OLA1: variants seen among roughly 807,000 people sequenced by gnomAD.
OLA1 encodes the protein obg-like ATPase 1.
Under a neutral mutation model 48.4 loss-of-function variants are expected in OLA1, and 14 were observed. The observed-to-expected ratio is 0.29, with a 90% confidence interval of 0.19 to 0.45. The LOEUF is 0.45. Ranked by LOEUF, OLA1 falls within the 20% of genes least tolerant of loss-of-function variation. The pLI is 1.00. For missense variants in OLA1, 325 were observed against 467.1 expected (o/e 0.70, Z 2.80); for synonymous variants, 127 against 150.4 (o/e 0.84, Z 1.14).
chr2:174,237,805 G>A lies in OLA1; in HGVS notation c.102-8354C>T, dbSNP rs184186551. On this transcript the variant is annotated intron_variant, in intron 2 of 10. Coordinates refer to ENST00000284719, the MANE Select transcript of OLA1 (RefSeq NM_013341.5). ...ATAGTAAATACATAAGCCAGTAACT[G>A]TCATTTATTATCAAGTATTACGTAC... 2.0e-3 allele frequency among the ~76,000 whole-genome samples: 302 copies of A among 152,260 alleles called. 2 individuals are homozygous for A. Among genetic ancestry groups the A allele is most frequent in the African/African-American group, 6.9e-3 (286 of 41,544 alleles).
intron 4 of OLA1, among the ~76,000 whole-genome samples, chr2:174,158,216 T>C (rs1304107031): frequency 6.6e-6 from 1 of 152,202 alleles, no homozygotes; most frequent in Non-Finnish European, 1.5e-5. Flanking sequence ...AGTATCAGAA[T>C]GGATTTGGAT....
intron 7 of OLA1, among the ~76,000 whole-genome samples, chr2:174,118,191 C>A: frequency 6.6e-6 from 1 of 152,196 alleles, no homozygotes; most frequent in East Asian, 1.9e-4. Flanking sequence ...CCAATCGTCT[C>A]ATACCAGGCC....
intron 3 of OLA1, among the ~76,000 whole-genome samples, chr2:174,223,569 T>A (rs12623517): frequency 6.6e-6 from 1 of 152,050 alleles, no homozygotes; most frequent in African/African-American, 2.4e-5. Flanking sequence ...TCTACATGTA[T>A]TATCTCACTT....
chr2:174,178,320 A>G (rs1687462870), intron 4 of OLA1, among the ~76,000 whole-genome samples: 1 of 152,004 alleles, frequency 6.6e-6, no homozygotes, highest in African/African-American at 2.4e-5. Context: ...TTAAATCAAA[A>G]CACAGCTCTC....
intron 5 of OLA1, among the ~76,000 whole-genome samples, chr2:174,128,566 C>T (rs1276457368): frequency 6.6e-6 from 1 of 151,590 alleles, no homozygotes; most frequent in Non-Finnish European, 1.5e-5. Flanking sequence ...CCCATCTCTA[C>T]TAAAATAAAT....
At chr2:174,151,115 C>CA (rs5836450) in intron 4 of OLA1, among the ~76,000 whole-genome samples, 80,710 of 151,848 alleles carry the variant, frequency 0.53, 22,033 homozygotes, top group East Asian at 0.95. Flanking sequence ...ATCTTCTAGT[C>CA]ATAGGGAGCC....
At chr2:174,193,830 T>C (rs1369035718) in intron 4 of OLA1, among the ~76,000 whole-genome samples, 1 of 152,182 alleles carries the variant, frequency 6.6e-6, no homozygotes, top group Non-Finnish European at 1.5e-5. Flanking sequence ...GTTAGTTTGA[T>C]GGTGAGAAAT....
chr2:174,181,627 CA>C (rs1687541060), intron 4 of OLA1, among the ~76,000 whole-genome samples: 1 of 150,276 alleles, frequency 6.7e-6, no homozygotes, highest in Admixed American at 6.6e-5. Context: ...GTATATGATG[CA>C]AGTGGATGTA....
rs748728247 is a variant in OLA1 at position 174,072,717 on chromosome 2, A to C, written c.*2709T>G. On this transcript the variant is annotated 3_prime_UTR_variant, in exon 11 of 11. Coordinates refer to ENST00000284719, the MANE Select transcript of OLA1 (RefSeq NM_013341.5). ...GGAAATATTATACACAGACAACTAG[A>C]GACAAACATCAAACTGGAATTTTAA... 10 of 152,216 alleles carry C rather than the reference A, an allele frequency of 6.6e-5. No individual in the cohort carries two copies. Among genetic ancestry groups the C allele is most frequent in the Non-Finnish European group, 1.3e-4 (9 of 68,050 alleles). The allele number at this position is 152,216 out of a possible 1,614,324, so 9.4% of individuals were successfully genotyped here.
At chr2:174,212,207 C>T (rs543850080) in intron 4 of OLA1, among the ~76,000 whole-genome samples, 2 of 152,302 alleles carry the variant, frequency 1.3e-5, no homozygotes, top group African/African-American at 2.4e-5. Flanking sequence ...GCCTATTGCT[C>T]CTAGGCTACA....
intron 9 of OLA1, among the ~76,000 whole-genome samples, chr2:174,080,673 A>G (rs1684835449): frequency 6.6e-6 from 1 of 152,126 alleles, no homozygotes; most frequent in African/African-American, 2.4e-5. Context: ...CGTTGAGTTT[A>G]GCTTTTTGAG....
chr2:174,097,855 A>C (rs946551058), intron 7 of OLA1, among the ~76,000 whole-genome samples: 3 of 152,198 alleles, frequency 2.0e-5, no homozygotes, highest in Admixed American at 2.0e-4. Context: ...TTCTTAATTC[A>C]TCCTCTGGAG....
chr2:174,144,939 A>ATATATAT (rs1318022287), intron 4 of OLA1, among the ~76,000 whole-genome samples: 2 of 56,368 alleles, frequency 3.5e-5, no homozygotes, highest in South Asian at 9.5e-4. Context: ...TTAAAAAAAA[A>ATATATAT]AAAAAAAAAA....
intron 2 of OLA1, among the ~76,000 whole-genome samples, chr2:174,242,099 C>T (rs997908715): frequency 1.3e-5 from 2 of 152,186 alleles, no homozygotes; most frequent in African/African-American, 4.8e-5. Flanking sequence ...TCAAGTTTGG[C>T]CCCCTGACCC....
At chr2:174,190,051 A>T (rs1352556651) in intron 4 of OLA1, among the ~76,000 whole-genome samples, 1 of 152,158 alleles carries the variant, frequency 6.6e-6, no homozygotes, top group East Asian at 1.9e-4. Flanking sequence ...TGCCAAAAGT[A>T]AGGTACTTCA....
At chr2:174,179,957 G>A (rs939432474) in intron 4 of OLA1, among the ~76,000 whole-genome samples, 65 of 152,072 alleles carry the variant, frequency 4.3e-4, no homozygotes, top group African/African-American at 1.5e-3. Flanking sequence ...ATAGAGCTTT[G>A]TTTTTTATTT....
At chr2:174,244,522 T>C (rs184974039) in intron 2 of OLA1, among the ~76,000 whole-genome samples, 13 of 152,328 alleles carry the variant, frequency 8.5e-5, no homozygotes, top group African/African-American at 2.9e-4. Flanking sequence ...GAGTCCCTTA[T>C]ATACAATGGT....
intron 7 of OLA1, among the ~76,000 whole-genome samples, chr2:174,102,496 T>C (rs1685420096): frequency 6.6e-6 from 1 of 151,682 alleles, no homozygotes; most frequent in South Asian, 2.1e-4. Context: ...TGGTTTATTC[T>C]GAGAGAGAAA....
intron 2 of OLA1, among the ~76,000 whole-genome samples, chr2:174,246,241 A>C (rs1689125251): frequency 6.6e-6 from 1 of 151,868 alleles, no homozygotes; most frequent in African/African-American, 2.4e-5. Context: ...CAGAGGTTGC[A>C]GTGAGTCAAG....
Sources: gnomAD v4.1 joint callset for allele counts (sites outside exome capture counted in the v4.1 genomes callset) on GRCh38, gnomAD v4.1.1 for gene constraint, MANE v1.5 for transcripts, NCBI Gene and HGNC (gene_info 2026-07-23, HGNC 2026-07-21) for gene names.